Variants in CTNNA3 observed in about 807,000 individuals in gnomAD.
CTNNA3 encodes catenin alpha-3.
Under a neutral mutation model 95.7 loss-of-function variants are expected in CTNNA3, and 76 were observed. That is an observed-to-expected ratio of 0.79 (90% CI 0.66 to 0.96). The LOEUF (loss-of-function observed/expected upper bound fraction) is 0.96. CTNNA3 is among the 40% of genes least tolerant of loss of function. CTNNA3 has a pLI of 0.00. For missense variants in CTNNA3, 1,191 were observed against 1,089.8 expected (o/e 1.09, Z -1.31); for synonymous variants, 431 against 374.4 (o/e 1.15, Z -1.74).
intron 7 of CTNNA3, chr10:67,097,613 C>T (rs1049178081): frequency 3.7e-6 from 6 of 1,612,304 alleles, no homozygotes; most frequent in African/African-American, 1.3e-5. Context: ...ATGTGTCAAC[C>T]TTTCTGGCAT....
At position 65,988,569 on chromosome 10, in the gene CTNNA3, T is replaced by C. The variant is rs961900914; in HGVS notation, c.2265+123A>G. On this transcript the variant is annotated intron_variant, in intron 16 of 17. Coordinates refer to ENST00000433211, the MANE Select transcript of CTNNA3 (RefSeq NM_013266.4). ...AGTGTATTAATAGAGCTATTAGAAA[T>C]TCAATTATAATTTAGAAAAAATGGT... 9.1e-6 allele frequency: 6 copies of C among 660,708 alleles called. No individual in the cohort carries two copies. In the Admixed American group the frequency reaches 1.1e-4, roughly 12 times the overall value. 40.9% of individuals were successfully genotyped at this position (660,708 alleles called of 1,614,324 possible). A position where few individuals can be genotyped will look rare whatever the true frequency, so the allele number is the denominator to read the frequency against.
intron 7 of CTNNA3, among the ~76,000 whole-genome samples, chr10:66,904,593 G>A (rs1469404711): frequency 6.6e-6 from 1 of 152,014 alleles, no homozygotes; most frequent in Non-Finnish European, 1.5e-5. Context: ...CTACAGAATG[G>A]GAGAAAAATT....
chr10:66,333,354 T>C lies in CTNNA3; in HGVS notation c.1732+45798A>G, dbSNP rs185321894. Among the ~76,000 whole-genome samples, 104 of 152,238 alleles carry C rather than the reference T, an allele frequency of 6.8e-4. 1 individual carries two copies. Among genetic ancestry groups the C allele is most frequent in the African/African-American group, 2.3e-3 (95 of 41,562 alleles). ...AATTTTAGATCTTTCCTGCTTTCTCTTGTGGGCCTTTAGTGTTATAAATTT... is the reference window on the plus strand; with the variant it reads ...AATTTTAGATCTTTCCTGCTTTCTCCTGTGGGCCTTTAGTGTTATAAATTT... On this transcript the variant is annotated intron_variant, in intron 12 of 17. Transcript: ENST00000433211.
chr10:66,047,907 T>C (rs1477451046), intron 15 of CTNNA3, among the ~76,000 whole-genome samples: 1 of 151,926 alleles, frequency 6.6e-6, no homozygotes, highest in African/African-American at 2.4e-5. Context: ...TACCTAGGAA[T>C]ACAGCTAACC....
At chr10:67,220,767 A>G (rs2132268206) in intron 5 of CTNNA3, among the ~76,000 whole-genome samples, 1 of 151,040 alleles carries the variant, frequency 6.6e-6, no homozygotes, top group African/African-American at 2.5e-5. Flanking sequence ...AATATACAAG[A>G]AAAAAATCTG....
chr10:66,548,003 C>A (rs1453731638), intron 10 of CTNNA3, among the ~76,000 whole-genome samples: 1 of 151,920 alleles, frequency 6.6e-6, no homozygotes, highest in African/African-American at 2.4e-5. Context: ...ACAACCTCCA[C>A]CTCCTAGGTT....
chr10:66,356,350 G>A (rs1589132923), intron 12 of CTNNA3, among the ~76,000 whole-genome samples: 1 of 151,516 alleles, frequency 6.6e-6, no homozygotes, highest in East Asian at 1.9e-4. Context: ...ATTTTTTAAG[G>A]TCTTCTTTAA....
intron 5 of CTNNA3, among the ~76,000 whole-genome samples, chr10:67,348,855 A>G (rs1842532348): frequency 6.6e-6 from 1 of 152,178 alleles, no homozygotes; most frequent in Non-Finnish European, 1.5e-5. Context: ...TAAAATATAT[A>G]AGGAACTCCC....
intron 5 of CTNNA3, among the ~76,000 whole-genome samples, chr10:67,275,386 T>G (rs928201857): frequency 3.3e-5 from 5 of 152,156 alleles, no homozygotes; most frequent in African/African-American, 1.2e-4. Context: ...AATGTCTTTA[T>G]GTAAATTAGA....
chr10:66,521,327 G>A (rs1841061470), intron 10 of CTNNA3, among the ~76,000 whole-genome samples: 1 of 151,968 alleles, frequency 6.6e-6, no homozygotes, highest in African/African-American at 2.4e-5. Flanking sequence ...ATGATATCAG[G>A]CATTTAATCA....
intron 9 of CTNNA3, among the ~76,000 whole-genome samples, chr10:66,691,014 G>T (rs956926652): frequency 1.3e-5 from 2 of 152,174 alleles, no homozygotes; most frequent in African/African-American, 4.8e-5. Context: ...CCGGTCTACA[G>T]CTCCCAGAGT....
At chr10:66,349,102 C>G (rs988734035) in intron 12 of CTNNA3, among the ~76,000 whole-genome samples, 1 of 152,034 alleles carries the variant, frequency 6.6e-6, no homozygotes, top group African/African-American at 2.4e-5. Context: ...GATTATATTT[C>G]TTGTCCTGAT....
At chr10:66,872,782 A>G (rs1234164833) in intron 7 of CTNNA3, among the ~76,000 whole-genome samples, 1 of 152,010 alleles carries the variant, frequency 6.6e-6, no homozygotes, top group Non-Finnish European at 1.5e-5. Context: ...GGGTGTGGAT[A>G]TTCCTGTCAC....
intron 5 of CTNNA3, among the ~76,000 whole-genome samples, chr10:67,502,669 G>A (rs1839271415): frequency 1.3e-5 from 2 of 152,230 alleles, no homozygotes; most frequent in South Asian, 4.1e-4. Context: ...TGCCTGCCCA[G>A]AGAGGAGGAA....
intron 13 of CTNNA3, among the ~76,000 whole-genome samples, chr10:66,261,259 A>G (rs1295050763): frequency 9.2e-5 from 14 of 152,062 alleles, no homozygotes; most frequent in Admixed American, 9.2e-4. Flanking sequence ...TCACTTCTTA[A>G]GTAAATTCAG....
At chr10:66,776,590 T>C (rs1439662662) in intron 7 of CTNNA3, among the ~76,000 whole-genome samples, 1 of 152,176 alleles carries the variant, frequency 6.6e-6, no homozygotes, top group African/African-American at 2.4e-5. Context: ...TGTACTGCTA[T>C]ATACTCTCCT....
rs142331064 is a variant in CTNNA3, at chr10:67,203,720, T to C, written c.843+15887A>G. Among the ~76,000 whole-genome samples the C allele has an allele frequency of 4.6e-3, 707 of 152,342 alleles. 9 individuals are homozygous for C. The highest frequency in any genetic ancestry group is 0.016 in the African/African-American group (662 of 41,578). On this transcript the variant is annotated intron_variant, in intron 6 of 17. Coordinates refer to ENST00000433211, the MANE Select transcript of CTNNA3 (RefSeq NM_013266.4). ...TGCAAAATAATCTACACATCATTAC[T>C]GATTAATCTTCCACAATACCTGTTT... is the stretch of plus-strand genomic sequence containing the variant.
intron 10 of CTNNA3, among the ~76,000 whole-genome samples, chr10:66,543,665 GA>G (rs941349213): frequency 6.6e-6 from 1 of 151,132 alleles, no homozygotes; most frequent in Non-Finnish European, 1.5e-5. Context: ...AAAGATAGTA[GA>G]AAAAATGAAG....
intron 7 of CTNNA3, among the ~76,000 whole-genome samples, chr10:67,150,543 A>C (rs1044723576): frequency 3.9e-5 from 6 of 152,326 alleles, no homozygotes; most frequent in South Asian, 2.1e-4. Context: ...TCTCCAACGG[A>C]GAATTAATCC....
Sources: gnomAD v4.1 joint callset for allele counts (sites outside exome capture counted in the v4.1 genomes callset) on GRCh38, gnomAD v4.1.1 for gene constraint, MANE v1.5 for transcripts, NCBI Gene and HGNC (gene_info 2026-07-23, HGNC 2026-07-21) for gene names.